ZNF717: variants seen among roughly 807,000 people sequenced by gnomAD.
ZNF717 encodes the protein zinc finger protein 717, also known as krueppel-like factor X17.
ZNF717 carries 9 observed loss-of-function variants against 13.8 expected under a neutral mutation model. The observed-to-expected ratio is 0.65, with a 90% CI of 0.39 to 1.14. The LOEUF is 1.14. Among genes scored for constraint, ZNF717 ranks in the 50% most tolerant of loss-of-function variants. The pLI, the probability that ZNF717 is intolerant of heterozygous loss-of-function variation, is 0.01. For synonymous variants in ZNF717, 327 were observed against 364.1 expected (o/e 0.90, Z 1.16); for missense variants, 1,040 against 1,080.7 (o/e 0.96, Z 0.53).
chr3:75,748,156 C>G (rs1941348757), intron 2 of ZNF717, among the ~76,000 whole-genome samples: 1 of 152,098 alleles, frequency 6.6e-6, no homozygotes, highest in East Asian at 1.9e-4. Flanking sequence ...GAAGTTGAAT[C>G]TCTTAATAGA....
At position 75,765,035 on chromosome 3, in the gene ZNF717, A is replaced by ATGTGTGTGTGTGTGTG. The variant is rs150835839; in HGVS notation, c.57+18255_57+18270dup. Among the ~76,000 whole-genome samples the ATGTGTGTGTGTGTGTG allele has an allele frequency of 5.0e-4, 41 of 81,760 alleles. No homozygotes were observed. In the East Asian group the frequency reaches 0.012, roughly 23 times the overall value. The allele number at this position is 81,760 out of a possible 152,430, so 53.6% of individuals were successfully genotyped here. On this transcript the variant is annotated intron_variant, in intron 2 of 4. Transcript: ENST00000652011. ...TATATATATATATATATATATGTATATGTGTGTGTGTGTGTGTGTGTGTAT... is the reference window on the plus strand; with the variant it reads ...TATATATATATATATATATATGTATATGTGTGTGTGTGTGTGTGTGTGTGTGTGTGTGTGTGTGTAT...
intron 6 of ZNF717, among the ~76,000 whole-genome samples, chr3:75,696,253 A>G (rs1937602188): frequency 1.3e-5 from 2 of 152,312 alleles, no homozygotes; most frequent in Non-Finnish European, 2.9e-5. Context: ...CCAAGATTGA[A>G]CTAGGAAAAA....
chr3:75,735,159 GCT>G (rs1939006634), downstream of ZNF717, among the ~76,000 whole-genome samples: 1 of 152,164 alleles, frequency 6.6e-6, no homozygotes, highest in East Asian at 1.9e-4. Flanking sequence ...GGCTATGTAT[GCT>G]TACATATAAG....
intron 4 of ZNF717, among the ~76,000 whole-genome samples, chr3:75,722,132 C>G (rs11715928): frequency 6.6e-6 from 1 of 150,496 alleles, no homozygotes. Flanking sequence ...TGGTGGTGGG[C>G]GCCTGTAGTC....
intron 2 of ZNF717, among the ~76,000 whole-genome samples, chr3:75,764,563 C>T (rs1943280277): frequency 6.6e-6 from 1 of 152,180 alleles, no homozygotes; most frequent in South Asian, 2.1e-4. Context: ...CCAAAAAACC[C>T]CGCTACAACC....
At chr3:75,760,287 G>C (rs796650075) in intron 2 of ZNF717, among the ~76,000 whole-genome samples, 2 of 152,228 alleles carry the variant, frequency 1.3e-5, no homozygotes, top group African/African-American at 2.4e-5. Flanking sequence ...CAGATGATCC[G>C]CCCGCCTCGG....
chr3:75,782,280 T>C (rs1357333171), intron 2 of ZNF717, among the ~76,000 whole-genome samples: 1 of 152,206 alleles, frequency 6.6e-6, no homozygotes, highest in East Asian at 1.9e-4. Flanking sequence ...AATATAACTT[T>C]GAACAGGCTG....
chr3:75,724,899 C>T (rs1215818122), intron 4 of ZNF717, among the ~76,000 whole-genome samples: 3 of 152,290 alleles, frequency 2.0e-5, no homozygotes, highest in Non-Finnish European at 4.4e-5. Context: ...ATAGCTCTCT[C>T]CCAGACCCAT....
At chr3:75,776,313 T>C (rs1054633963) in intron 2 of ZNF717, among the ~76,000 whole-genome samples, 1 of 152,294 alleles carries the variant, frequency 6.6e-6, no homozygotes, top group Non-Finnish European at 1.5e-5. Flanking sequence ...GTCAAACCTA[T>C]ATTCCTAGGA....
intron 2 of ZNF717, among the ~76,000 whole-genome samples, 176 bp downstream of exon 2, chr3:75,783,129 TA>T (rs1276860052): frequency 1.3e-5 from 2 of 152,238 alleles, no homozygotes; most frequent in African/African-American, 2.4e-5. Flanking sequence ...GCACTCAACT[TA>T]GACAACTCTA....
intron 2 of ZNF717, among the ~76,000 whole-genome samples, chr3:75,753,357 CT>C (rs1942105622): frequency 4.1e-5 from 1 of 24,150 alleles, no homozygotes; most frequent in Non-Finnish European, 1.1e-4. Context: ...CTGAATTTTT[CT>C]CCCTCACATA....
At chr3:75,714,941 C>T (rs1206057590) in intron 5 of ZNF717, among the ~76,000 whole-genome samples, 3 of 152,156 alleles carry the variant, frequency 2.0e-5, no homozygotes, top group Middle Eastern at 3.2e-3. Flanking sequence ...CATCTGACCA[C>T]ATATACACAC....
chr3:75,707,760 G>A (rs977210644), downstream of ZNF717, among the ~76,000 whole-genome samples: 10 of 151,656 alleles, frequency 6.6e-5, no homozygotes, highest in South Asian at 2.1e-4. Flanking sequence ...CTAATACTGC[G>A]CTTTTCCAAT....
chr3:75,768,861 C>T (rs2107628101), intron 2 of ZNF717, among the ~76,000 whole-genome samples: 1 of 152,186 alleles, frequency 6.6e-6, no homozygotes, highest in Admixed American at 6.5e-5. Context: ...GCCACCACAA[C>T]CTGATTCAGT....
downstream of ZNF717, among the ~76,000 whole-genome samples, chr3:75,727,873 C>T (rs1256888203): frequency 1.3e-5 from 2 of 152,198 alleles, no homozygotes; most frequent in African/African-American, 4.8e-5. Context: ...AGCTCAAGGT[C>T]GCCATCATAG....
At chr3:75,708,005 T>C (rs1426480986), downstream of ZNF717, among the ~76,000 whole-genome samples, 1 of 152,234 alleles carries the variant, frequency 6.6e-6, no homozygotes, top group African/African-American at 2.4e-5. Flanking sequence ...CCTGCCTCTG[T>C]AGGCTCCACC....
chr3:75,729,531 T>TTC (rs1938390803), downstream of ZNF717, among the ~76,000 whole-genome samples: 58 of 139,940 alleles, frequency 4.1e-4, no homozygotes, highest in African/African-American at 1.5e-3. Flanking sequence ...AGGAGAATCA[T>TTC]TTGAACCCGG....
intron 3 of ZNF717, 28 bp from the exon 4 acceptor site, chr3:75,741,396 T>G: frequency 6.8e-7 from 1 of 1,478,580 alleles, no homozygotes; most frequent in Non-Finnish European, 9.2e-7. Context: ...TGGAAGACTT[T>G]GTCAAACCAC....
At chr3:75,753,645 G>C (rs755238514) in intron 2 of ZNF717, among the ~76,000 whole-genome samples, 1 of 148,626 alleles carries the variant, frequency 6.7e-6, no homozygotes, top group Non-Finnish European at 1.5e-5. Flanking sequence ...CTGAATGTTT[G>C]TCCCTCACAT....
Sources: allele counts gnomAD v4.1 joint callset (sites outside exome capture counted in the v4.1 genomes callset), GRCh38; gene constraint gnomAD v4.1.1; transcripts MANE v1.5; gene names NCBI Gene and HGNC (gene_info 2026-07-23, HGNC 2026-07-21).